The following CDC14C variants were observed in gnomAD, a reference collection of about 807,000 sequenced individuals.
CDC14C encodes cell division cycle 14C.
Under a neutral mutation model 26.9 loss-of-function variants are expected in CDC14C, and 19 were observed. The ratio of observed to expected loss-of-function variants is 0.71; its 90% CI spans 0.49 to 1.04. The LOEUF is 1.04. CDC14C is among the 50% of genes least tolerant of loss of function. The pLI is 0.00. For synonymous variants in CDC14C, 185 were observed against 180.1 expected (o/e 1.03, Z -0.22); for missense variants, 423 against 520.0 (o/e 0.81, Z 1.81).
In CDC14C at chr7:48,925,473, A is replaced by C. The variant is rs1225631127; in HGVS notation, c.801A>C (p.Lys267Asn). The change falls in exon 1 of 1, where the codon AAA (lysine) becomes AAC (asparagine). Residue 267 changes from lysine (K) to asparagine (N), a missense_variant. Transcript: ENST00000650262. ...GCACCCCTACTGATGCCATTGTCAA[A>C]AGATTTCTGGATATCTGTGAAAATG... ...DGSTPTDAIV[K>N]RFLDICENAE... 3 of 1,608,926 alleles carry C rather than the reference A, an allele frequency of 1.9e-6. No individual in the cohort carries two copies. The highest frequency in any genetic ancestry group is 2.6e-6 in the Non-Finnish European group (3 of 1,175,562).
Position 48,927,157 on chromosome 7 carries a change from C to T in CDC14C, c.*1141C>T, listed in dbSNP as rs1798904299. Reference sequence around the variant, plus strand: ...TTGTAATACTGTAGTAATATTAACTCTGATAAGTACCCAAGCTGCTTGTCT... The same window carrying T: ...TTGTAATACTGTAGTAATATTAACTTTGATAAGTACCCAAGCTGCTTGTCT... On this transcript the variant is annotated 3_prime_UTR_variant, in exon 1 of 1. Transcript: ENST00000650262. 1.3e-5 allele frequency among the ~76,000 whole-genome samples: 2 copies of T among 152,292 alleles called. No individual in the cohort carries two copies. Among genetic ancestry groups the T allele is most frequent in the East Asian group, 3.9e-4 (2 of 5,168 alleles).
At position 48,925,206 on chromosome 7, in the gene CDC14C, T is replaced by A. The variant is rs775175059; in HGVS notation, c.534T>A (p.Tyr178Ter). 1 of 1,578,984 alleles carries A rather than the reference T, an allele frequency of 6.3e-7. No homozygotes were observed. Among genetic ancestry groups the A allele is most frequent in the African/African-American group, 1.3e-5 (1 of 74,266 alleles). Residue 178 changes from tyrosine (Y) to a stop codon, truncating the protein, a stop_gained, in exon 1 of 1, where the codon TAT (tyrosine) becomes TAA (stop). Coordinates refer to ENST00000650262, the MANE Select transcript of CDC14C (RefSeq NM_152627.3). LOFTEE classifies it high-confidence loss of function. The stretch of plus-strand genomic sequence containing the variant: ...TTAACCTTGATGAATATGAACACTA[T>A]GAAAAAGCAGAAAACGGAGATTTAA... ...NSFNLDEYEH[Y>*]EKAENGDLNW... is the part of the protein sequence containing the mutation.
Position 48,925,412 on chromosome 7 carries a change from G to T in CDC14C, c.740G>T (p.Gly247Val), listed in dbSNP as rs754508425. ...MYDAKRFTDA[G>V]FDHHDLFFAD... ...GATGCCAAACGCTTTACGGATGCTGGCTTCGATCACCATGATCTTTTCTTT... is the reference window on the plus strand; with the variant it reads ...GATGCCAAACGCTTTACGGATGCTGTCTTCGATCACCATGATCTTTTCTTT... Residue 247 changes from glycine (G) to valine (V), a missense_variant, in exon 1 of 1, where the codon GGC becomes GTC. Physicochemically the swap from Gly to Val is moderately radical, Grantham distance 109 (BLOSUM62 -3). This residue lies in a region of CDC14C where 310 missense variants were observed against 356.8 expected (regional missense o/e 0.87). Coordinates refer to ENST00000650262, the MANE Select transcript of CDC14C (RefSeq NM_152627.3). The T allele has an allele frequency of 5.6e-6, 9 of 1,611,976 alleles. No homozygotes were observed. Among genetic ancestry groups the T allele is most frequent in the Non-Finnish European group, 6.8e-6 (8 of 1,178,086 alleles).
chr7:48,924,893 T>A lies in CDC14C; in HGVS notation c.221T>A (p.Ile74Lys), dbSNP rs555578796. The change falls in exon 1 of 1, where the codon ATA becomes AAA. Residue 74 changes from isoleucine to lysine, a missense_variant. By Grantham distance (102) the Ile-to-Lys change is moderately radical. Transcript: ENST00000650262. ...ATGGTTTACAGATATTGTTGCAAGA[T>A]AAATAAGAAATTAAAGTCCATTACA... Reference protein sequence around the residue: ...LAMVYRYCCKINKKLKSITML... With the variant: ...LAMVYRYCCKKNKKLKSITML... 6.9e-7 allele frequency: 1 copy of A among 1,449,438 alleles called. No individual in the cohort carries two copies. Among genetic ancestry groups the A allele is most frequent in the South Asian group, 1.1e-5 (1 of 87,660 alleles). The allele number at this position is 1,449,438 out of a possible 1,614,324, so 89.8% of individuals were successfully genotyped here.
chr7:48,924,855 A>G lies in CDC14C; in HGVS notation c.183A>G (p.Pro61=). ...EYENFSEDFG[P]LNLAMVYRYC... ...AGAACTTCTCCGAAGACTTTGGACC[A>G]CTCAATCTGGCAATGGTTTACAGAT... Residue 61 remains proline, a synonymous_variant, in exon 1 of 1, where the codon CCA becomes CCG. Coordinates refer to ENST00000650262, the MANE Select transcript of CDC14C (RefSeq NM_152627.3). 7.0e-7 allele frequency: 1 copy of G among 1,431,900 alleles called. No homozygotes were observed. Among genetic ancestry groups the G allele is most frequent in the Non-Finnish European group, 9.9e-7 (1 of 1,013,728 alleles). The allele number at this position is 1,431,900 out of a possible 1,614,324, so 88.7% of individuals were successfully genotyped here.
chr7:48,925,336 T>G lies in CDC14C; in HGVS notation c.664T>G (p.Phe222Val). 1 of 1,608,516 alleles carries G rather than the reference T, an allele frequency of 6.2e-7. No homozygotes were observed. Among genetic ancestry groups the G allele is most frequent in the Non-Finnish European group, 8.5e-7 (1 of 1,174,898 alleles). The change falls in exon 1 of 1, where the codon TTT (phenylalanine) becomes GTT (valine). Residue 222 changes from phenylalanine (F) to valine (V), a missense_variant. This residue lies in a region of CDC14C where 310 missense variants were observed against 356.8 expected (regional missense o/e 0.87). Coordinates refer to ENST00000650262, the MANE Select transcript of CDC14C (RefSeq NM_152627.3). ...QHSPETYIQY[F>V]KNHNVTTIIR... The stretch of plus-strand genomic sequence containing the variant: ...TTCTCCCGAGACTTATATTCAATAT[T>G]TTAAGAATCACAATGTTACTACCAT...
In CDC14C at chr7:48,924,687, G is replaced by A. The variant is rs545769023; in HGVS notation, c.15G>A (p.Thr5=). The change falls in exon 1 of 1, where the codon ACG becomes ACA. Residue 5 remains threonine (T), a synonymous_variant. Transcript: ENST00000650262. ...GTGTGAAGAAGATGCGCAGCTCCAC[G>A]CTGCAGGACCCGCGCCGCCGGGACC... The part of the protein sequence containing the change: MRSS[T]LQDPRRRDPQ... The A allele has an allele frequency of 5.2e-6, 6 of 1,163,950 alleles. No individual in the cohort carries two copies. Among genetic ancestry groups the A allele is most frequent in the Middle Eastern group, 1.9e-4 (1 of 5,232 alleles). The allele number at this position is 1,163,950 out of a possible 1,614,324, so 72.1% of individuals were successfully genotyped here. A position where few individuals can be genotyped will look rare whatever the true frequency, so the allele number is the denominator to read the frequency against.
In CDC14C at chr7:48,924,860, A is replaced by G. The variant is rs566566591; in HGVS notation, c.188A>G (p.Asn63Ser). ...ENFSEDFGPL[N>S]LAMVYRYCCK... Reference sequence around the variant, plus strand: ...TTCTCCGAAGACTTTGGACCACTCAATCTGGCAATGGTTTACAGATATTGT... The same window carrying G: ...TTCTCCGAAGACTTTGGACCACTCAGTCTGGCAATGGTTTACAGATATTGT... The change falls in exon 1 of 1, where the codon AAT becomes AGT. Residue 63 changes from asparagine (N) to serine (S), a missense_variant. Asn to Ser is a conservative substitution (Grantham distance 46). Transcript: ENST00000650262. 509 of 1,455,704 alleles carry G rather than the reference A, an allele frequency of 3.5e-4. No homozygotes were observed. Among genetic ancestry groups the G allele is most frequent in the Non-Finnish European group, 4.6e-4 (480 of 1,035,750 alleles). The allele number at this position is 1,455,704 out of a possible 1,614,324, so 90.2% of individuals were successfully genotyped here. A position where few individuals can be genotyped will look rare whatever the true frequency, so the allele number is the denominator to read the frequency against.
rs1798884324 is a variant in CDC14C, at chr7:48,926,095, G to T, written c.*79G>T. Reference sequence around the variant, plus strand: ...TCTCTCCATTTCAAGGACTAAAATGGTTTTGCATTAAGTAAAAACCTGTGA... The same window carrying T: ...TCTCTCCATTTCAAGGACTAAAATGTTTTTGCATTAAGTAAAAACCTGTGA... On this transcript the variant is annotated 3_prime_UTR_variant, in exon 1 of 1. Coordinates refer to ENST00000650262, the MANE Select transcript of CDC14C (RefSeq NM_152627.3). The T allele has an allele frequency of 9.8e-6, 7 of 715,680 alleles. No individual in the cohort carries two copies. The highest frequency in any genetic ancestry group is 2.0e-5 in the Admixed American group (1 of 50,544). 44.3% of individuals were successfully genotyped at this position (715,680 alleles called of 1,614,324 possible). A position where few individuals can be genotyped will look rare whatever the true frequency, so the allele number is the denominator to read the frequency against.
Position 48,925,077 on chromosome 7 carries a change from C to G in CDC14C, c.405C>G (p.Phe135Leu). The G allele has an allele frequency of 6.5e-7, 1 of 1,534,740 alleles. No individual in the cohort carries two copies. Residue 135 changes from phenylalanine (F) to leucine (L), a missense_variant, in exon 1 of 1, where the codon TTC becomes TTG. Coordinates refer to ENST00000650262, the MANE Select transcript of CDC14C (RefSeq NM_152627.3). The part of the protein sequence containing the change: ...LIFGDTPYIP[F>L]RDAAYGSCNF... ...TTGGAGATACACCCTATATTCCTTT[C>G]AGAGATGCTGCCTATGGAAGCTGCA...
chr7:48,926,166 T>A lies in CDC14C; in HGVS notation c.*150T>A, dbSNP rs1798885400. 1.8e-6 allele frequency: 1 copy of A among 571,074 alleles called. No individual in the cohort carries two copies. Among genetic ancestry groups the A allele is most frequent in the African/African-American group, 1.9e-5 (1 of 52,324 alleles). The allele number at this position is 571,074 out of a possible 1,614,324, so 35.4% of individuals were successfully genotyped here. A position where few individuals can be genotyped will look rare whatever the true frequency, so the allele number is the denominator to read the frequency against. Reference sequence around the variant, plus strand: ...TAGGAACTGAAAACTGCAACAGAAATTAGCACAATTTGAAAACAAAACAAA... The same window carrying A: ...TAGGAACTGAAAACTGCAACAGAAAATAGCACAATTTGAAAACAAAACAAA... On this transcript the variant is annotated 3_prime_UTR_variant, in exon 1 of 1. Transcript: ENST00000650262.
rs775180878 is a variant in CDC14C, at chr7:48,924,637, C to T, written c.-36C>T. The T allele has an allele frequency of 1.9e-6, 2 of 1,047,318 alleles. No homozygotes were observed. Among genetic ancestry groups the T allele is most frequent in the Admixed American group, 1.7e-5 (1 of 57,256 alleles). The allele number at this position is 1,047,318 out of a possible 1,614,324, so 64.9% of individuals were successfully genotyped here. ...CTGGGCCGCCGCGCCCCACTGCTCGCCGCGCTGCTCTTTGACCTCGCAGGG... is the reference window on the plus strand; with the variant it reads ...CTGGGCCGCCGCGCCCCACTGCTCGTCGCGCTGCTCTTTGACCTCGCAGGG... On this transcript the variant is annotated 5_prime_UTR_variant, in exon 1 of 1. Transcript: ENST00000650262.
In CDC14C at chr7:48,925,676, C is replaced by G. The variant is rs752680055; in HGVS notation, c.1004C>G (p.Thr335Arg). 14 of 1,452,260 alleles carry G rather than the reference C, an allele frequency of 9.6e-6. No individual in the cohort carries two copies. In the East Asian group the frequency reaches 3.2e-4, roughly 33 times the overall value. The allele number at this position is 1,452,260 out of a possible 1,614,324, so 90.0% of individuals were successfully genotyped here. Residue 335 changes from threonine (T) to arginine (R), a missense_variant, in exon 1 of 1, where the codon ACA becomes AGA. Around this residue, in one of 3 missense-constraint regions of CDC14C, gnomAD observed 91 missense variants for 94.2 expected, o/e 0.97. Coordinates refer to ENST00000650262, the MANE Select transcript of CDC14C (RefSeq NM_152627.3). ...PQQQFLVMKQ[T>R]SLWLEGDYFR... ...CAGCAGTTTTTGGTGATGAAGCAAACAAGCCTCTGGCTGGAAGGGGACTAT... is the reference window on the plus strand; with the variant it reads ...CAGCAGTTTTTGGTGATGAAGCAAAGAAGCCTCTGGCTGGAAGGGGACTAT...
chr7:48,925,467 T>G lies in CDC14C; in HGVS notation c.795T>G (p.Ile265Met), dbSNP rs780865782. The G allele has an allele frequency of 1.9e-6, 3 of 1,608,822 alleles. No homozygotes were observed. The highest frequency in any genetic ancestry group is 2.2e-5 in the South Asian group (2 of 90,876). ...ATGGCAGCACCCCTACTGATGCCAT[T>G]GTCAAAAGATTTCTGGATATCTGTG... ...FADGSTPTDA[I>M]VKRFLDICEN... Residue 265 changes from isoleucine (I) to methionine (M), a missense_variant, in exon 1 of 1, where the codon ATT becomes ATG. Transcript: ENST00000650262.
In CDC14C at chr7:48,925,467, T is replaced by C. The variant is rs780865782; in HGVS notation, c.795T>C (p.Ile265=). The stretch of plus-strand genomic sequence containing the variant: ...ATGGCAGCACCCCTACTGATGCCAT[T>C]GTCAAAAGATTTCTGGATATCTGTG... ...FADGSTPTDA[I]VKRFLDICEN... Residue 265 remains isoleucine, a synonymous_variant, in exon 1 of 1, where the codon ATT becomes ATC. Coordinates refer to ENST00000650262, the MANE Select transcript of CDC14C (RefSeq NM_152627.3). 3.1e-6 allele frequency: 5 copies of C among 1,608,822 alleles called. No individual in the cohort carries two copies. The South Asian group carries it at 4.4e-5, about 14-fold the overall frequency.
chr7:48,924,846 C>T lies in CDC14C; in HGVS notation c.174C>T (p.Asp58=), dbSNP rs771731677. The change falls in exon 1 of 1, where the codon GAC becomes GAT. Residue 58 remains aspartate (D), a synonymous_variant. Transcript: ENST00000650262. The part of the protein sequence containing the change: ...NELEYENFSE[D]FGPLNLAMVY... The stretch of plus-strand genomic sequence containing the variant: ...TCGAATATGAGAACTTCTCCGAAGA[C>T]TTTGGACCACTCAATCTGGCAATGG... The T allele has an allele frequency of 1.1e-5, 16 of 1,391,798 alleles. No individual in the cohort carries two copies. The highest frequency in any genetic ancestry group is 1.7e-5 in the Admixed American group (1 of 59,662). The allele number at this position is 1,391,798 out of a possible 1,614,324, so 86.2% of individuals were successfully genotyped here. A position where few individuals can be genotyped will look rare whatever the true frequency, so the allele number is the denominator to read the frequency against.
rs1586198467 is a variant in CDC14C, at chr7:48,925,006, A to G, written c.334A>G (p.Ile112Val). The G allele has an allele frequency of 2.9e-6, 4 of 1,380,656 alleles. No homozygotes were observed. In the East Asian group the frequency reaches 9.1e-5, roughly 32 times the overall value. 85.5% of individuals were successfully genotyped at this position (1,380,656 alleles called of 1,614,324 possible). A position where few individuals can be genotyped will look rare whatever the true frequency, so the allele number is the denominator to read the frequency against. ...CTTCCTTGTTGGATGCTACATGGTT[A>G]TATACTTGGGGAGAACCCCAGAAGC... Reference protein sequence around the residue: ...AAFLVGCYMVIYLGRTPEAAY... With the variant: ...AAFLVGCYMVVYLGRTPEAAY... Residue 112 changes from isoleucine (I) to valine (V), a missense_variant, in exon 1 of 1, where the codon ATA becomes GTA. Transcript: ENST00000650262.
In CDC14C at chr7:48,924,907, A is replaced by C. The variant is rs1447921855; in HGVS notation, c.235A>C (p.Lys79Gln). The change falls in exon 1 of 1, where the codon AAG (lysine) becomes CAG (glutamine). Residue 79 changes from lysine (K) to glutamine (Q), a missense_variant. By Grantham distance (53) the Lys-to-Gln change is moderately conservative (BLOSUM62 1). Transcript: ENST00000650262. ...RYCCKINKKL[K>Q]SITMLRKKIV... ...TTGTTGCAAGATAAATAAGAAATTA[A>C]AGTCCATTACAATGTTAAGGAAGAA... The C allele has an allele frequency of 7.0e-7, 1 of 1,428,510 alleles. No homozygotes were observed. The highest frequency in any genetic ancestry group is 9.9e-7 in the Non-Finnish European group (1 of 1,010,338). 88.5% of individuals were successfully genotyped at this position (1,428,510 alleles called of 1,614,324 possible). A position where few individuals can be genotyped will look rare whatever the true frequency, so the allele number is the denominator to read the frequency against.
In CDC14C at chr7:48,925,060, A is replaced by T. The variant is rs754838589; in HGVS notation, c.388A>T (p.Thr130Ser). Residue 130 changes from threonine (T) to serine (S), a missense_variant, in exon 1 of 1, where the codon ACA becomes TCA. Thr to Ser is a moderately conservative substitution (Grantham distance 58, BLOSUM62 1). This residue lies in a region of CDC14C where 310 missense variants were observed against 356.8 expected (regional missense o/e 0.87). Transcript: ENST00000650262. ...ATATAGAATATTAATCTTTGGAGAT[A>T]CACCCTATATTCCTTTCAGAGATGC... is the stretch of plus-strand genomic sequence containing the variant. ...AAYRILIFGD[T>S]PYIPFRDAAY... 114 of 1,496,928 alleles carry T rather than the reference A, an allele frequency of 7.6e-5. No individual in the cohort carries two copies. Among genetic ancestry groups the T allele is most frequent in the Non-Finnish European group, 1.0e-4 (111 of 1,073,614 alleles). 92.7% of individuals were successfully genotyped at this position (1,496,928 alleles called of 1,614,324 possible). A position where few individuals can be genotyped will look rare whatever the true frequency, so the allele number is the denominator to read the frequency against.
Sources: gnomAD v4.1 joint callset for allele counts (sites outside exome capture counted in the v4.1 genomes callset) on GRCh38, gnomAD v4.1.1 for gene constraint, gnomAD v4.1.1 regional missense constraint, MANE v1.5 for transcripts, NCBI Gene and HGNC (gene_info 2026-07-23, HGNC 2026-07-21) for gene names.